RPTOR: variants seen among roughly 807,000 people sequenced by gnomAD.
RPTOR encodes the protein regulatory associated protein of MTOR complex 1.
Under a neutral mutation model 169.9 loss-of-function variants are expected in RPTOR, and 21 were observed. That is an observed-to-expected ratio of 0.12 (90% CI 0.09 to 0.18). RPTOR has a LOEUF of 0.18. Ranked by LOEUF, RPTOR falls within the 10% of genes least tolerant of loss-of-function variation. RPTOR has a pLI of 1.00. For synonymous variants in RPTOR, 732 were observed against 753.2 expected, an observed-to-expected ratio of 0.97 and a Z score of 0.46; for missense variants, 1,133 against 1,855.9, an observed-to-expected ratio of 0.61 and a Z score of 7.16.
chr17:80,634,294 T>TGTGTGTGCGTA (rs1491185131), intron 2 of RPTOR, among the ~76,000 whole-genome samples: 37 of 119,252 alleles, frequency 3.1e-4, no homozygotes, highest in African/African-American at 1.3e-3. Flanking sequence ...GTGTGCGTAC[T>TGTGTGTGCGTA]GTGTGTGTGC....
intron 21 of RPTOR, among the ~76,000 whole-genome samples, chr17:80,918,537 T>TCGCCGGAGTCATAGCCAC (rs1567986290): frequency 3.1e-5 from 1 of 31,786 alleles, no homozygotes; most frequent in African/African-American, 9.3e-5. Flanking sequence ...GTCATAGCCA[T>TCGCCGGAGTCATAGCCAC]GAGCACCCTC....
intron 20 of RPTOR, among the ~76,000 whole-genome samples, chr17:80,899,506 T>C (rs1403215239): frequency 6.6e-6 from 1 of 152,250 alleles, no homozygotes; most frequent in Admixed American, 6.5e-5. Flanking sequence ...AATAGCTCTC[T>C]AGCGCCTCCA....
intron 21 of RPTOR, 132 bp from the exon 22 acceptor site, chr17:80,922,592 G>A (rs2143977030): frequency 1.4e-6 from 1 of 727,424 alleles, no homozygotes; most frequent in Non-Finnish European, 2.4e-6. Flanking sequence ...CCTTCCATTG[G>A]TGTTGGTGCT....
rs114840827 is a variant in RPTOR, at chr17:80,942,782, G to A, written c.3025+2181G>A. ...CCCTGTGTCACGCAGGCCCCTGCCC[G>A]GCTCTTCAGCCTTCTCCTGGGCAAC... is the stretch of plus-strand genomic sequence containing the variant. On this transcript the variant is annotated intron_variant, in intron 25 of 33. Coordinates refer to ENST00000306801, the MANE Select transcript of RPTOR (RefSeq NM_020761.3). Among the ~76,000 whole-genome samples, 775 of 152,348 alleles carry A rather than the reference G, an allele frequency of 5.1e-3. 1 individual carries two copies. Among genetic ancestry groups the A allele is most frequent in the African/African-American group, 0.017 (715 of 41,578 alleles).
intron 7 of RPTOR, among the ~76,000 whole-genome samples, chr17:80,799,844 T>C (rs939085552): frequency 2.6e-5 from 4 of 151,952 alleles, no homozygotes; most frequent in African/African-American, 7.3e-5. Context: ...AGGTGCCAGG[T>C]GGTGATCGGC....
chr17:80,782,745 C>G (rs376763271), intron 6 of RPTOR, among the ~76,000 whole-genome samples: 1 of 152,214 alleles, frequency 6.6e-6, no homozygotes, highest in Non-Finnish European at 1.5e-5. Context: ...AACTCCAGTC[C>G]TCTGTGGCTG....
In RPTOR at chr17:80,695,278, C is replaced by T. The variant is rs1314120611; in HGVS notation, c.349-12563C>T. ...GGGGCCCGAGCATTTCCACACGAGACTTTCACATCAGCCACCCGGGCAGGG... is the reference window on the plus strand; with the variant it reads ...GGGGCCCGAGCATTTCCACACGAGATTTTCACATCAGCCACCCGGGCAGGG... On this transcript the variant is annotated intron_variant, in intron 3 of 33. Coordinates refer to ENST00000306801, the MANE Select transcript of RPTOR (RefSeq NM_020761.3). The surrounding 1 kb of genome is among the most constrained non-coding windows in gnomAD (Gnocchi z 4.9). 1.3e-5 allele frequency among the ~76,000 whole-genome samples: 2 copies of T among 152,230 alleles called. No individual in the cohort carries two copies. The highest frequency in any genetic ancestry group is 4.8e-5 in the African/African-American group (2 of 41,458).
At chr17:80,622,128 T>G (rs2065359224) in intron 1 of RPTOR, among the ~76,000 whole-genome samples, 1 of 152,202 alleles carries the variant, frequency 6.6e-6, no homozygotes, top group South Asian at 2.1e-4. Context: ...AAGGCTTCCC[T>G]TCCCACAGAG....
At chr17:80,697,635 C>T (rs2066048406) in intron 3 of RPTOR, among the ~76,000 whole-genome samples, 1 of 152,178 alleles carries the variant, frequency 6.6e-6, no homozygotes, top group South Asian at 2.1e-4. Flanking sequence ...AACGTCTGGG[C>T]CAAGGAGCCA....
At chr17:80,566,722 G>GC (rs1568307939) in intron 1 of RPTOR, among the ~76,000 whole-genome samples, 1 of 149,958 alleles carries the variant, frequency 6.7e-6, no homozygotes. Context: ...TACTTGGGAG[G>GC]CTGAGGCAGG....
chr17:80,910,613 C>G (rs1181632128), intron 21 of RPTOR, among the ~76,000 whole-genome samples: 1 of 152,128 alleles, frequency 6.6e-6, no homozygotes, highest in African/African-American at 2.4e-5. Flanking sequence ...GCTTCCCATC[C>G]TAGTCCATCG....
intron 7 of RPTOR, among the ~76,000 whole-genome samples, chr17:80,810,051 A>ATAAG (rs1406855074): frequency 6.1e-5 from 4 of 65,928 alleles, no homozygotes; most frequent in Non-Finnish European, 1.4e-4. Context: ...CCATCTCAAA[A>ATAAG]TAAATAAATA....
In RPTOR at chr17:80,700,754, A is replaced by ATGG. The variant is rs1491119820; in HGVS notation, c.349-7085_349-7084insGTG. Among the ~76,000 whole-genome samples the ATGG allele has an allele frequency of 9.3e-3, 209 of 22,380 alleles. 23 individuals carry two copies. The highest frequency in any genetic ancestry group is 0.016 in the East Asian group (6 of 364). The allele number at this position is 22,380 out of a possible 152,430, so 14.7% of individuals were successfully genotyped here. ...GATGATGGTGGTGGTGGTGGTGGTG[A>ATGG]TGATGGTGATGGTGATGGTAGAGAT... On this transcript the variant is annotated intron_variant, in intron 3 of 33. Coordinates refer to ENST00000306801, the MANE Select transcript of RPTOR (RefSeq NM_020761.3).
intron 3 of RPTOR, among the ~76,000 whole-genome samples, chr17:80,667,424 AC>A (rs1488059893): frequency 1.3e-5 from 2 of 152,214 alleles, no homozygotes; most frequent in Non-Finnish European, 2.9e-5. Context: ...TTGAGTGGAT[AC>A]AGAATAAGGA....
At chr17:80,630,317 T>C (rs898028175) in intron 2 of RPTOR, among the ~76,000 whole-genome samples, 4 of 152,240 alleles carry the variant, frequency 2.6e-5, no homozygotes, top group African/African-American at 9.6e-5. Flanking sequence ...GTTTAGTAAG[T>C]AGTTAACTGG....
At chr17:80,685,899 G>A (rs868219513) in intron 3 of RPTOR, among the ~76,000 whole-genome samples, 4 of 151,504 alleles carry the variant, frequency 2.6e-5, no homozygotes, top group African/African-American at 7.3e-5. Flanking sequence ...TCCTCATCAG[G>A]TGGGGGCACT....
intron 3 of RPTOR, among the ~76,000 whole-genome samples, chr17:80,694,286 G>A (rs1314061760): frequency 6.6e-6 from 1 of 152,246 alleles, no homozygotes; most frequent in Non-Finnish European, 1.5e-5. Context: ...CCTGGTCCCA[G>A]GGGCAGGCAT....
chr17:80,558,192 T>G (rs957742001), intron 1 of RPTOR, among the ~76,000 whole-genome samples: 9 of 152,154 alleles, frequency 5.9e-5, no homozygotes, highest in Non-Finnish European at 1.0e-4. Context: ...TCCCAGCTAC[T>G]CGGATGGCTG....
At chr17:80,892,919 T>C in intron 19 of RPTOR, 50 bp downstream of exon 19, 1 of 1,592,558 alleles carries the variant, frequency 6.3e-7, no homozygotes, top group Non-Finnish European at 8.6e-7. Flanking sequence ...TGGGGTTGTT[T>C]TTTCTGAAAC....
Sources: gnomAD v4.1 joint callset for allele counts (sites outside exome capture counted in the v4.1 genomes callset) on GRCh38, gnomAD v4.1.1 for gene constraint, Gnocchi (gnomAD v3.1) non-coding constraint, MANE v1.5 for transcripts, NCBI Gene and HGNC (gene_info 2026-07-23, HGNC 2026-07-21) for gene names.